SBF1: variants seen among roughly 807,000 people sequenced by gnomAD.
SBF1 encodes myotubularin-related protein 5.
SBF1 carries 65 observed loss-of-function variants against 215.8 expected under a neutral mutation model. The observed-to-expected ratio is 0.30, with a 90% CI of 0.25 to 0.37. The LOEUF (loss-of-function observed/expected upper bound fraction) is 0.37, where lower values mean the gene tolerates loss of function less well. Ranked by LOEUF, SBF1 falls within the 10% of genes least tolerant of loss-of-function variation. The pLI is 1.00. For synonymous variants in SBF1, 1,410 were observed against 1,122.8 expected (o/e 1.26, Z -5.11); for missense variants, 2,634 against 2,667.8 (o/e 0.99, Z 0.28).
In SBF1 at chr22:50,462,348, G is replaced by A. The variant is rs181039489; in HGVS notation, c.2253C>T (p.Ser751=). 5.0e-6 allele frequency: 8 copies of A among 1,614,152 alleles called. 1 individual carries two copies. In the African/African-American group the frequency reaches 9.3e-5, roughly 19 times the overall value. ...AGTGGATGGCCTGGCTGAACACCGT[G>A]CTCTCCTCCTTCTGCACCAGCTCCT... ...KQQELVQKEE[S]TVFSQAIHYA... The change falls in exon 19 of 41, where the codon AGC becomes AGT. Residue 751 remains serine, a synonymous_variant. Coordinates refer to ENST00000380817, the MANE Select transcript of SBF1 (RefSeq NM_002972.4).
intron 1 of SBF1, among the ~76,000 whole-genome samples, chr22:50,470,827 G>C (rs2067970375): frequency 6.6e-6 from 1 of 152,214 alleles, no homozygotes; most frequent in Non-Finnish European, 1.5e-5. Flanking sequence ...GGGAATGACA[G>C]AACACAGCTG....
rs190494661 is a variant in SBF1, at chr22:50,466,730, G to C, written c.550-20C>G. ...CGTCCTCTGCAGCAAAAAAAGGATC[G>C]GGGCTCAGTAGTTTGGCCAGAGCCA... On this transcript the variant is annotated intron_variant, in intron 5 of 40. Transcript: ENST00000380817. 2.0e-4 allele frequency: 300 copies of C among 1,492,732 alleles called. No homozygotes were observed. Among genetic ancestry groups the C allele is most frequent in the Non-Finnish European group, 2.3e-4 (260 of 1,108,352 alleles). 92.5% of individuals were successfully genotyped at this position (1,492,732 alleles called of 1,614,324 possible).
chr22:50,458,859 T>C (rs896087286), intron 28 of SBF1, among the ~76,000 whole-genome samples: 2 of 150,724 alleles, frequency 1.3e-5, no homozygotes, highest in Admixed American at 1.3e-4. Flanking sequence ...GAGGGTGGAG[T>C]GTGGGGGATG....
chr22:50,467,878 G>C lies in SBF1; in HGVS notation c.187C>G (p.Pro63Ala). Reference protein sequence around the residue: ...GWQLCPERNPPTFFVAVLTDI... With the variant: ...GWQLCPERNPATFFVAVLTDI... Reference sequence around the variant, plus strand: ...GTGAGGACAGCAACAAAGAAGGTCGGTGGATTCCTCTCGGGACACAGCTGC... The same window carrying C: ...GTGAGGACAGCAACAAAGAAGGTCGCTGGATTCCTCTCGGGACACAGCTGC... The change falls in exon 3 of 41, where the codon CCG becomes GCG. Residue 63 changes from proline (P) to alanine (A), a missense_variant. Pro to Ala is a conservative substitution (Grantham distance 27). Transcript: ENST00000380817. 6.2e-7 allele frequency: 1 copy of C among 1,614,034 alleles called. No individual in the cohort carries two copies. The highest frequency in any genetic ancestry group is 8.5e-7 in the Non-Finnish European group (1 of 1,179,976).
Position 50,447,471 on chromosome 22 carries a change from G to C in SBF1, c.5452-18C>G. 1 of 1,605,898 alleles carries C rather than the reference G, an allele frequency of 6.2e-7. No homozygotes were observed. Among genetic ancestry groups the C allele is most frequent in the Non-Finnish European group, 8.5e-7 (1 of 1,174,572 alleles). On this transcript the variant is annotated intron_variant, in intron 39 of 40. Transcript: ENST00000380817. ...TAGCGCAGCTGGAGGAGGCCACAGA[G>C]TCAGCGGAGCCCCCTCCCCCGTGAG...
rs1367780041 is a variant in SBF1 at position 50,447,463 on chromosome 22, GCC to G, written c.5452-12_5452-11del. 1 of 1,586,006 alleles carries G rather than the reference GCC, an allele frequency of 6.3e-7. No homozygotes were observed. The highest frequency in any genetic ancestry group is 8.6e-7 in the Non-Finnish European group (1 of 1,165,588). ...GGTCGTAGTAGCGCAGCTGGAGGAG[GCC>G]ACAGAGTCAGCGGAGCCCCCTCCCC... On this transcript the variant is annotated splice_polypyrimidine_tract_variant and intron_variant, in intron 39 of 40. Transcript: ENST00000380817.
rs530572734 is a variant in SBF1, at chr22:50,446,033, G to A, written c.*1109C>T. The A allele has an allele frequency of 8.3e-4, 127 of 153,718 alleles. No individual in the cohort carries two copies. Among genetic ancestry groups the A allele is most frequent in the Non-Finnish European group, 1.4e-3 (100 of 69,176 alleles). The allele number at this position is 153,718 out of a possible 1,614,324, so 9.5% of individuals were successfully genotyped here. Reference sequence around the variant, plus strand: ...CAGATGTTCTCTTGGCCTTTGCAGCGTCTATAACCCTCCCCACCTTCTGCT... The same window carrying A: ...CAGATGTTCTCTTGGCCTTTGCAGCATCTATAACCCTCCCCACCTTCTGCT... On this transcript the variant is annotated 3_prime_UTR_variant, in exon 41 of 41. Transcript: ENST00000380817.
intron 1 of SBF1, among the ~76,000 whole-genome samples, chr22:50,470,840 C>T (rs2067970965): frequency 6.6e-6 from 1 of 152,224 alleles, no homozygotes; most frequent in African/African-American, 2.4e-5. Flanking sequence ...CACAGCTGGC[C>T]CCTGGAAAGG....
intron 28 of SBF1, among the ~76,000 whole-genome samples, chr22:50,458,577 T>C (rs1235273899): frequency 6.6e-6 from 1 of 152,204 alleles, no homozygotes; most frequent in Non-Finnish European, 1.5e-5. Flanking sequence ...AAGTATATAA[T>C]GTGGTATCTG....
At position 50,461,806 on chromosome 22, in the gene SBF1, G is replaced by A; in HGVS notation, c.2633C>T (p.Pro878Leu). 1 of 1,613,424 alleles carries A rather than the reference G, an allele frequency of 6.2e-7. No homozygotes were observed. The highest frequency in any genetic ancestry group is 8.5e-7 in the Non-Finnish European group (1 of 1,179,994). ...ACGGCCCCCGCAAACCTTCTGGATG[G>A]GCGGCAGCCTCCGGCTCTCCCGCTG... ...AVQRESRRLP[P>L]IQKPKLLRPR... Residue 878 changes from proline to leucine, a missense_variant, in exon 21 of 41, where the codon CCC becomes CTC. Coordinates refer to ENST00000380817, the MANE Select transcript of SBF1 (RefSeq NM_002972.4).
At chr22:50,454,077 A>T (rs1423640361) in intron 36 of SBF1, among the ~76,000 whole-genome samples, 1 of 152,164 alleles carries the variant, frequency 6.6e-6, no homozygotes, top group Non-Finnish European at 1.5e-5. Flanking sequence ...AGAGGCCTCA[A>T]TGTCAACCCC....
At chr22:50,455,973 C>A (rs997400546) in intron 31 of SBF1, 6 of 567,348 alleles carry the variant, frequency 1.1e-5, no homozygotes, top group Non-Finnish European at 1.9e-5. Context: ...CCACGTGGGC[C>A]CAGCAGGCTG....
chr22:50,449,509 G>A (rs930866561), intron 36 of SBF1, among the ~76,000 whole-genome samples: 5 of 151,972 alleles, frequency 3.3e-5, no homozygotes, highest in African/African-American at 1.2e-4. Context: ...CAACTACTCA[G>A]GAAGCTGAGG....
At position 50,462,884 on chromosome 22, in the gene SBF1, T is replaced by G; in HGVS notation, c.1954A>C (p.Thr652Pro). Residue 652 changes from threonine to proline, a missense_variant, in exon 17 of 41, where the codon ACA becomes CCA. Coordinates refer to ENST00000380817, the MANE Select transcript of SBF1 (RefSeq NM_002972.4). ...GIAAALLPLV[T>P]AFCRKLSPGV... ...CCAGCACTCACCCGGCAGAAGGCTG[T>G]GACCAGAGGCAGCAGAGCCGCCGCA... is the stretch of plus-strand genomic sequence containing the variant. 2 of 1,613,024 alleles carry G rather than the reference T, an allele frequency of 1.2e-6. No homozygotes were observed. The highest frequency in any genetic ancestry group is 1.1e-5 in the South Asian group (1 of 91,036).
In SBF1 at chr22:50,454,940, C is replaced by T. The variant is rs763009316; in HGVS notation, c.4686G>A (p.Leu1562=). ...TGCGTTCCCCCTTCTCCTCATACAGCAGCCCTGCACAGAAGCAGCACTGAG... is the reference window on the plus strand; with the variant it reads ...TGCGTTCCCCCTTCTCCTCATACAGTAGCCCTGCACAGAAGCAGCACTGAG... ...DSDYERIELG[L]LYEEKGERRG... Residue 1562 remains leucine (L), a synonymous_variant, in exon 35 of 41, where the codon CTG becomes CTA. Coordinates refer to ENST00000380817, the MANE Select transcript of SBF1 (RefSeq NM_002972.4). 3 of 1,614,024 alleles carry T rather than the reference C, an allele frequency of 1.9e-6. No individual in the cohort carries two copies. The highest frequency in any genetic ancestry group is 2.5e-6 in the Non-Finnish European group (3 of 1,180,030).
At chr22:50,451,530 G>A (rs1204105224) in intron 36 of SBF1, among the ~76,000 whole-genome samples, 1 of 152,148 alleles carries the variant, frequency 6.6e-6, no homozygotes, top group Non-Finnish European at 1.5e-5. Flanking sequence ...GAAAGGGAGA[G>A]ATCATGCAGA....
chr22:50,447,958 G>A (rs1227302381), intron 38 of SBF1, among the ~76,000 whole-genome samples: 1 of 152,210 alleles, frequency 6.6e-6, no homozygotes, highest in African/African-American at 2.4e-5. Context: ...AGGTAGATCT[G>A]TAGAAGCAGC....
intron 38 of SBF1, 89 bp from the exon 39 acceptor site, chr22:50,447,698 G>A: frequency 1.0e-6 from 1 of 957,652 alleles, no homozygotes; most frequent in Middle Eastern, 3.1e-4. Context: ...TGCTGTCCCA[G>A]CCCAGGAGGT....
Position 50,450,529 on chromosome 22 carries a change from A to AC in SBF1, c.5044-1880_5044-1879insG, listed in dbSNP as rs558616167. Among the ~76,000 whole-genome samples, 237 of 152,192 alleles carry AC rather than the reference A, an allele frequency of 1.6e-3. 1 individual carries two copies. Among genetic ancestry groups the AC allele is most frequent in the African/African-American group, 5.5e-3 (227 of 41,510 alleles). On this transcript the variant is annotated intron_variant, in intron 36 of 40. Transcript: ENST00000380817. ...AAGTGAGACTCTGCCTCAAAAAAAAAAAAACAAAACTATGAGCTGAACCCA... is the reference window on the plus strand; with the variant it reads ...AAGTGAGACTCTGCCTCAAAAAAAAACAAAACAAAACTATGAGCTGAACCCA...
Sources: allele counts gnomAD v4.1 joint callset (sites outside exome capture counted in the v4.1 genomes callset), GRCh38; gene constraint gnomAD v4.1.1; transcripts MANE v1.5; gene names NCBI Gene and HGNC (gene_info 2026-07-23, HGNC 2026-07-21).